PVT1: variants seen among roughly 807,000 people sequenced by gnomAD.
PVT1 encodes CXCR4/PVT1 fusion.
At chr8:128,038,733 T>C (rs757555143) in intron 4 of PVT1, among the ~76,000 whole-genome samples, 1 of 152,162 alleles carries the variant, frequency 6.6e-6, no homozygotes, top group Non-Finnish European at 1.5e-5. Context: ...TGTGTCTTGC[T>C]AATTGAGAGG....
At chr8:128,085,619 A>G (rs80287992) in intron 5 of PVT1, among the ~76,000 whole-genome samples, 3,174 of 152,284 alleles carry the variant, frequency 0.021, 107 homozygotes, top group African/African-American at 0.071. Context: ...TCTCCACACA[A>G]ACAATATTTT....
At chr8:128,088,524 T>C (rs1259662512) in intron 5 of PVT1, among the ~76,000 whole-genome samples, 3 of 152,228 alleles carry the variant, frequency 2.0e-5, no homozygotes, top group Non-Finnish European at 4.4e-5. Context: ...CATTTGCAGG[T>C]ATTCGGGGAT....
chr8:127,865,160 C>T (rs992719895), intron 2 of PVT1, among the ~76,000 whole-genome samples: 9 of 152,106 alleles, frequency 5.9e-5, no homozygotes, highest in African/African-American at 1.2e-4. Context: ...TCAATTTGGA[C>T]GAGGATTCTC....
chr8:127,938,212 G>C (rs1816303148), intron 3 of PVT1, among the ~76,000 whole-genome samples: 1 of 152,174 alleles, frequency 6.6e-6, no homozygotes, highest in African/African-American at 2.4e-5. Flanking sequence ...ATCAGCGGGG[G>C]CCACAAAGAG....
chr8:127,972,446 G>C lies in PVT1; in HGVS notation n.783-16716G>C, dbSNP rs115438069. ...TGGGTTGCTCCTGCTTGAGTTAGAT[G>C]TGCCCCAACCCAGTGGCACAGTGGA... On this transcript the variant is annotated intron_variant and non_coding_transcript_variant, in intron 3 of 10. Transcript: ENST00000651587. Among the ~76,000 whole-genome samples, 1,109 of 152,310 alleles carry C rather than the reference G, an allele frequency of 7.3e-3. 9 individuals carry two copies. The highest frequency in any genetic ancestry group is 0.025 in the African/African-American group (1,046 of 41,570).
At chr8:127,916,332 C>A (rs1815985202) in intron 3 of PVT1, among the ~76,000 whole-genome samples, 1 of 152,192 alleles carries the variant, frequency 6.6e-6, no homozygotes, top group African/African-American at 2.4e-5. Context: ...TTCTTGCATA[C>A]TCAGCAGAGA....
intron 3 of PVT1, among the ~76,000 whole-genome samples, chr8:127,945,017 G>A (rs187146375): frequency 8.1e-4 from 123 of 152,212 alleles, no homozygotes; most frequent in African/African-American, 2.6e-3. Flanking sequence ...CTTTCCCCTG[G>A]GGGTCAAGGC....
At chr8:127,854,779 C>T (rs1470120284) in intron 2 of PVT1, 2 of 164,958 alleles carry the variant, frequency 1.2e-5, no homozygotes, top group African/African-American at 4.8e-5. Context: ...TACACATCTC[C>T]TGCGTCTTCG....
intron 2 of PVT1, among the ~76,000 whole-genome samples, chr8:127,860,024 C>T (rs149329881): frequency 2.6e-5 from 4 of 152,254 alleles, no homozygotes; most frequent in East Asian, 3.9e-4. Context: ...TCCTTTCACA[C>T]GGACCCCGTG....
chr8:127,839,314 A>G (rs903556992), intron 2 of PVT1, among the ~76,000 whole-genome samples: 106 of 152,168 alleles, frequency 7.0e-4, no homozygotes, highest in African/African-American at 2.4e-3. Flanking sequence ...TGGGAGTCCA[A>G]GGGGAATAGG....
At chr8:127,866,904 G>A (rs971037658) in intron 2 of PVT1, among the ~76,000 whole-genome samples, 14 of 152,168 alleles carry the variant, frequency 9.2e-5, no homozygotes, top group Non-Finnish European at 1.5e-4. Context: ...CCGTGTTAGA[G>A]GAAGGCTCCT....
chr8:127,801,864 CTTAG>C (rs1290387976), intron 2 of PVT1, among the ~76,000 whole-genome samples: 5 of 151,826 alleles, frequency 3.3e-5, no homozygotes, highest in African/African-American at 1.2e-4. Flanking sequence ...ATTTCAGAGA[CTTAG>C]TGAGAAGAGT....
intron 4 of PVT1, among the ~76,000 whole-genome samples, chr8:128,069,550 G>T (rs1039902540): frequency 6.6e-6 from 1 of 152,098 alleles, no homozygotes; most frequent in Non-Finnish European, 1.5e-5. Flanking sequence ...CACCATAATC[G>T]TGCTGGGTGG....
At chr8:128,067,415 G>A (rs1047881225) in intron 4 of PVT1, among the ~76,000 whole-genome samples, 9 of 152,256 alleles carry the variant, frequency 5.9e-5, no homozygotes, top group Admixed American at 2.0e-4. Context: ...TTCCTTCCAC[G>A]GCTGGCACAG....
At chr8:127,850,584 C>T (rs749163387) in intron 2 of PVT1, among the ~76,000 whole-genome samples, 2 of 152,156 alleles carry the variant, frequency 1.3e-5, no homozygotes, top group African/African-American at 2.4e-5. Flanking sequence ...TTAAGAATAG[C>T]GACTTTGCCT....
intron 4 of PVT1, among the ~76,000 whole-genome samples, chr8:128,059,960 GAAT>G (rs2130119055): frequency 6.6e-6 from 1 of 152,236 alleles, no homozygotes; most frequent in South Asian, 2.1e-4. Flanking sequence ...ATGTATGGTA[GAAT>G]AAGAATTTAG....
At chr8:127,799,896 C>T (rs1443643627) in intron 2 of PVT1, among the ~76,000 whole-genome samples, 1 of 152,202 alleles carries the variant, frequency 6.6e-6, no homozygotes, top group Non-Finnish European at 1.5e-5. Context: ...TAGTTCTCTG[C>T]AAGCATCAGA....
intron 2 of PVT1, among the ~76,000 whole-genome samples, chr8:127,809,621 T>C (rs1183433493): frequency 6.6e-6 from 1 of 152,150 alleles, no homozygotes; most frequent in Non-Finnish European, 1.5e-5. Context: ...GTAGCAGAGA[T>C]TGTGTCAGTT....
At chr8:127,806,028 G>A (rs1288462523) in intron 2 of PVT1, among the ~76,000 whole-genome samples, 44 of 152,150 alleles carry the variant, frequency 2.9e-4, no homozygotes, top group Admixed American at 2.9e-3. Context: ...ACAAGACTTA[G>A]AAGATATTTG....
Sources: allele counts gnomAD v4.1 joint callset (sites outside exome capture counted in the v4.1 genomes callset), GRCh38; gene constraint gnomAD v4.1.1; transcripts MANE v1.5; gene names NCBI Gene and HGNC (gene_info 2026-07-23, HGNC 2026-07-21).